The following AOPEP variants were observed in gnomAD, a reference collection of about 807,000 sequenced individuals.
The protein encoded by AOPEP is aminopeptidase O.
A neutral mutation model predicts 98.1 loss-of-function variants in AOPEP; 77 were observed. The observed-to-expected ratio is 0.78, with a 90% CI of 0.65 to 0.95. The LOEUF (loss-of-function observed/expected upper bound fraction) is 0.95. Among genes scored for constraint, AOPEP ranks in the 40% least tolerant of loss-of-function variants. AOPEP has a pLI of 0.00. For synonymous variants in AOPEP, 346 were observed against 365.3 expected, an observed-to-expected ratio of 0.95 and a Z score of 0.60; for missense variants, 1,024 against 1,024.7, an observed-to-expected ratio of 1.00 and a Z score of 0.01.
At chr9:94,852,095 G>A (rs1235557364) in intron 5 of AOPEP, among the ~76,000 whole-genome samples, 2 of 152,104 alleles carry the variant, frequency 1.3e-5, no homozygotes, top group Non-Finnish European at 2.9e-5. Context: ...GGTGGACCCC[G>A]TAGACATGAT....
At chr9:94,759,564 G>C (rs1837811340) in intron 1 of AOPEP, 85 bp from the exon 2 acceptor site, 4 of 528,556 alleles carry the variant, frequency 7.6e-6, no homozygotes, top group African/African-American at 1.9e-5. Context: ...TTTAAGGATG[G>C]TGGTCAACTT....
At chr9:94,836,296 C>T (rs2041594525) in intron 5 of AOPEP, among the ~76,000 whole-genome samples, 1 of 152,122 alleles carries the variant, frequency 6.6e-6, no homozygotes, top group South Asian at 2.1e-4. Flanking sequence ...TAAGAAATTT[C>T]CTAGCAAATT....
At chr9:94,829,208 ACACACG>A (rs975338330) in intron 5 of AOPEP, among the ~76,000 whole-genome samples, 1 of 152,012 alleles carries the variant, frequency 6.6e-6, no homozygotes, top group African/African-American at 2.4e-5. Flanking sequence ...ACACACACAC[ACACACG>A]CACACGCACA....
chr9:94,769,935 G>T (rs1008407268), intron 2 of AOPEP, among the ~76,000 whole-genome samples: 2 of 152,246 alleles, frequency 1.3e-5, no homozygotes, highest in Admixed American at 6.5e-5. Context: ...GGAAAGGATG[G>T]TGACAACATG....
the AOPEP span, chr9:95,126,476 G>T: frequency 1.3e-6 from 2 of 1,529,986 alleles, no homozygotes; most frequent in Non-Finnish European, 1.8e-6. Flanking sequence ...ATTCATGCTT[G>T]GAAATGGAAC....
At chr9:95,032,131 C>A (rs1160671487) in intron 13 of AOPEP, among the ~76,000 whole-genome samples, 2 of 152,366 alleles carry the variant, frequency 1.3e-5, no homozygotes, top group East Asian at 3.9e-4. Flanking sequence ...GCAGGACTCA[C>A]AGTGAGCCTG....
the AOPEP span, among the ~76,000 whole-genome samples, chr9:95,116,605 C>A: frequency 1.3e-5 from 2 of 152,174 alleles, no homozygotes; most frequent in Admixed American, 1.3e-4. Context: ...TTCTGGCTGG[C>A]GCAGTCTGTG....
intron 14 of AOPEP, among the ~76,000 whole-genome samples, chr9:95,062,206 T>G (rs1473156032): frequency 6.6e-6 from 1 of 152,168 alleles, no homozygotes; most frequent in Non-Finnish European, 1.5e-5. Flanking sequence ...AGGCCAGTGT[T>G]GAATTAGGTG....
intron 11 of AOPEP, among the ~76,000 whole-genome samples, chr9:94,989,549 C>CT (rs1356609139): frequency 1.4e-5 from 2 of 144,972 alleles, no homozygotes; most frequent in African/African-American, 2.5e-5. Flanking sequence ...AGCTTCTTTT[C>CT]TAAGTACAAC....
the AOPEP span, among the ~76,000 whole-genome samples, chr9:95,138,752 G>A: frequency 3.3e-5 from 5 of 152,160 alleles, no homozygotes; most frequent in Non-Finnish European, 2.9e-5. Context: ...AGGCCAGGCC[G>A]CCAGGAGCAG....
At chr9:94,761,572 C>CTCAATTCATCCCCCAAAACACCTT (rs1838305770) in intron 2 of AOPEP, among the ~76,000 whole-genome samples, 1 of 152,138 alleles carries the variant, frequency 6.6e-6, no homozygotes, top group South Asian at 2.1e-4. Flanking sequence ...ACATGTCTCC[C>CTCAATTCATCCCCCAAAACACCTT]TCAATTCATC....
At position 94,834,843 on chromosome 9, in the gene AOPEP, TACATACATACAA is replaced by T. The variant is rs1330695662; in HGVS notation, c.1364+33845_1364+33856del. Among the ~76,000 whole-genome samples, 458 of 152,054 alleles carry T rather than the reference TACATACATACAA, an allele frequency of 3.0e-3. 1 individual carries two copies. The highest frequency in any genetic ancestry group is 0.017 in the East Asian group (88 of 5,158). On this transcript the variant is annotated intron_variant, in intron 5 of 16. Coordinates refer to ENST00000375315, the MANE Select transcript of AOPEP (RefSeq NM_001193329.3). ...ATACATACATACATACATACATACA[TACATACATACAA>T]ACAATAAAACAAAAAAGATTTTTTA...
At chr9:94,914,523 C>CATGTGTGT (rs2052520130) in intron 5 of AOPEP, among the ~76,000 whole-genome samples, 1 of 143,606 alleles carries the variant, frequency 7.0e-6, no homozygotes, top group African/African-American at 2.6e-5. Context: ...TGGCATTAGA[C>CATGTGTGT]GTGTGTGTGT....
At chr9:95,074,349 A>G (rs2068823791) in intron 14 of AOPEP, among the ~76,000 whole-genome samples, 1 of 152,050 alleles carries the variant, frequency 6.6e-6, no homozygotes, top group African/African-American at 2.4e-5. Flanking sequence ...CCTGCCCTTC[A>G]TTCTTCCCAC....
chr9:95,069,334 G>T (rs559535245), intron 14 of AOPEP, among the ~76,000 whole-genome samples: 5 of 152,322 alleles, frequency 3.3e-5, no homozygotes, highest in African/African-American at 1.2e-4. Flanking sequence ...AGGTAACGAT[G>T]GTCACTGTTT....
intron 7 of AOPEP, among the ~76,000 whole-genome samples, chr9:94,946,490 G>C (rs529030590): frequency 6.6e-6 from 1 of 152,216 alleles, no homozygotes; most frequent in Non-Finnish European, 1.5e-5. Flanking sequence ...GCAGTTCCAG[G>C]ATCCAGGTCT....
At chr9:94,998,004 C>T (rs1218472799) in intron 11 of AOPEP, among the ~76,000 whole-genome samples, 1 of 151,984 alleles carries the variant, frequency 6.6e-6, no homozygotes, top group Non-Finnish European at 1.5e-5. Flanking sequence ...CAGCTGAAAA[C>T]TCTTTAAGGT....
At chr9:94,848,060 G>A (rs1236604375) in intron 5 of AOPEP, among the ~76,000 whole-genome samples, 1 of 152,104 alleles carries the variant, frequency 6.6e-6, no homozygotes, top group Non-Finnish European at 1.5e-5. Flanking sequence ...CCAGCATCAG[G>A]GGAAATGTGA....
intron 14 of AOPEP, among the ~76,000 whole-genome samples, chr9:95,070,707 G>A (rs772418870): frequency 5.3e-5 from 8 of 152,250 alleles, no homozygotes; most frequent in African/African-American, 1.4e-4. Flanking sequence ...TCAGACTAGC[G>A]GAGAAGGACA....
Sources: allele counts gnomAD v4.1 joint callset (sites outside exome capture counted in the v4.1 genomes callset), GRCh38; gene constraint gnomAD v4.1.1; transcripts MANE v1.5; gene names NCBI Gene and HGNC (gene_info 2026-07-23, HGNC 2026-07-21).